The following ME1 variants were observed in gnomAD, a reference collection of about 807,000 sequenced individuals.
ME1 encodes NADP-dependent malic enzyme.
A neutral mutation model predicts 66.4 loss-of-function variants in ME1; 74 were observed. The observed-to-expected ratio is 1.11, with a 90% confidence interval of 0.92 to 1.35. ME1 has a LOEUF of 1.35. Among genes scored for constraint, ME1 ranks in the 40% most tolerant of loss-of-function variants. ME1 has a pLI of 0.00. For missense variants in ME1, 750 were observed against 694.1 expected (o/e 1.08, Z -0.90); for synonymous variants, 251 against 235.6 (o/e 1.07, Z -0.60).
chr6:83,394,462 G>A (rs1423461413), intron 3 of ME1, among the ~76,000 whole-genome samples: 3 of 152,184 alleles, frequency 2.0e-5, no homozygotes, highest in Admixed American at 6.5e-5. Context: ...AAATTTTAAT[G>A]TAGTTTAGAT....
intron 6 of ME1, among the ~76,000 whole-genome samples, chr6:83,286,360 C>T (rs1351700475): frequency 6.6e-6 from 1 of 152,092 alleles, no homozygotes; most frequent in African/African-American, 2.4e-5. Flanking sequence ...TGGAAGAGAT[C>T]AGGTGGGTAT....
At position 83,398,365 on chromosome 6, in the gene ME1, A is replaced by G. The variant is rs754814713; in HGVS notation, c.362+2T>C. ...TTGCATATAAAATAAAAGTTGACATACCTTGGCTTCCGAAACACCAAACTA... is the reference window on the plus strand; with the variant it reads ...TTGCATATAAAATAAAAGTTGACATGCCTTGGCTTCCGAAACACCAAACTA... On this transcript the variant is annotated splice_donor_variant, in intron 3 of 13. Transcript: ENST00000369705. LOFTEE classifies it high-confidence loss of function. The G allele has an allele frequency of 1.3e-6, 2 of 1,570,444 alleles. No homozygotes were observed. The highest frequency in any genetic ancestry group is 2.5e-5 in the South Asian group (2 of 80,820).
chr6:83,345,819 C>A (rs1050960683), intron 5 of ME1, among the ~76,000 whole-genome samples: 2 of 152,034 alleles, frequency 1.3e-5, no homozygotes, highest in Non-Finnish European at 2.9e-5. Flanking sequence ...AAGAATATTT[C>A]AGACTGATTA....
rs752577147 is a variant in ME1, at chr6:83,398,531, C to A, written c.213-15G>T. ...AGAGAAGATACCTGTAAAAATTGGA[C>A]ATAATTAGATCTACATCCCATAAAG... On this transcript the variant is annotated splice_polypyrimidine_tract_variant and intron_variant, in intron 2 of 13. Coordinates refer to ENST00000369705, the MANE Select transcript of ME1 (RefSeq NM_002395.6). 7.0e-6 allele frequency: 10 copies of A among 1,435,288 alleles called. No homozygotes were observed. In the East Asian group the frequency reaches 2.4e-4, roughly 35 times the overall value. The allele number at this position is 1,435,288 out of a possible 1,614,324, so 88.9% of individuals were successfully genotyped here. A position where few individuals can be genotyped will look rare whatever the true frequency, so the allele number is the denominator to read the frequency against.
intron 6 of ME1, among the ~76,000 whole-genome samples, chr6:83,298,401 G>C (rs192447862): frequency 6.6e-6 from 1 of 152,032 alleles, no homozygotes; most frequent in East Asian, 1.9e-4. Context: ...CCCACTTTTT[G>C]ATGGGGCTGT....
intron 6 of ME1, among the ~76,000 whole-genome samples, chr6:83,272,091 A>G (rs1206697388): frequency 1.3e-5 from 2 of 152,172 alleles, no homozygotes; most frequent in Non-Finnish European, 2.9e-5. Context: ...AGGTGACTAT[A>G]GTCACCCTGT....
At chr6:83,239,342 A>G (rs532466286) in intron 8 of ME1, among the ~76,000 whole-genome samples, 197 bp downstream of exon 8, 1 of 152,182 alleles carries the variant, frequency 6.6e-6, no homozygotes, top group African/African-American at 2.4e-5. Flanking sequence ...ACTGTGAAAA[A>G]TATCTCATTA....
At chr6:83,363,378 T>C (rs980315822) in intron 3 of ME1, among the ~76,000 whole-genome samples, 8 of 152,138 alleles carry the variant, frequency 5.3e-5, no homozygotes, top group African/African-American at 1.7e-4. Context: ...ACCTGGACGA[T>C]CAAGATGAAA....
intron 6 of ME1, among the ~76,000 whole-genome samples, chr6:83,312,089 C>T (rs1292932511): frequency 6.6e-6 from 1 of 152,142 alleles, no homozygotes; most frequent in Non-Finnish European, 1.5e-5. Context: ...CCTTATAACA[C>T]CATGACAAGA....
intron 6 of ME1, among the ~76,000 whole-genome samples, chr6:83,293,135 C>A (rs1767534643): frequency 6.6e-6 from 1 of 152,112 alleles, no homozygotes; most frequent in African/African-American, 2.4e-5. Flanking sequence ...TTCAGCTTGC[C>A]CTCTGTGGGC....
intron 11 of ME1, among the ~76,000 whole-genome samples, chr6:83,226,917 C>T (rs1230319664): frequency 6.6e-6 from 1 of 152,110 alleles, no homozygotes; most frequent in Non-Finnish European, 1.5e-5. Context: ...AAATGTTCCA[C>T]CCATAGTACC....
intron 9 of ME1, among the ~76,000 whole-genome samples, chr6:83,231,860 C>G (rs985151597): frequency 2.0e-5 from 3 of 151,952 alleles, no homozygotes; most frequent in African/African-American, 7.3e-5. Context: ...TTTCAAGAGT[C>G]TCTAATTACC....
intron 9 of ME1, among the ~76,000 whole-genome samples, chr6:83,235,930 G>A (rs941578454): frequency 6.6e-6 from 1 of 151,822 alleles, no homozygotes; most frequent in Non-Finnish European, 1.5e-5. Context: ...AGCTTTAAAG[G>A]AACAGATTAC....
intron 3 of ME1, among the ~76,000 whole-genome samples, chr6:83,389,509 G>A (rs1769578185): frequency 6.6e-6 from 1 of 151,976 alleles, no homozygotes; most frequent in African/African-American, 2.4e-5. Flanking sequence ...TAGAACATTA[G>A]AAATATCAAA....
chr6:83,415,693 C>T (rs183879960), intron 1 of ME1, among the ~76,000 whole-genome samples: 3 of 152,308 alleles, frequency 2.0e-5, no homozygotes, highest in African/African-American at 4.8e-5. Flanking sequence ...AAGCTTTCCA[C>T]ATATACCTTA....
intron 3 of ME1, among the ~76,000 whole-genome samples, chr6:83,389,800 C>T (rs901275207): frequency 6.6e-6 from 1 of 152,072 alleles, no homozygotes; most frequent in African/African-American, 2.4e-5. Context: ...AAAATTGTCT[C>T]TAGCTTCCAA....
At chr6:83,413,790 A>C (rs1361695377) in intron 1 of ME1, among the ~76,000 whole-genome samples, 1 of 152,204 alleles carries the variant, frequency 6.6e-6, no homozygotes, top group African/African-American at 2.4e-5. Flanking sequence ...TTATTTTTAA[A>C]TTCTAATTGA....
chr6:83,413,372 A>C (rs1196451745), intron 1 of ME1, among the ~76,000 whole-genome samples: 1 of 152,154 alleles, frequency 6.6e-6, no homozygotes, highest in Non-Finnish European at 1.5e-5. Context: ...ATCTAATATG[A>C]TTGTCTTTGA....
At chr6:83,274,970 G>A (rs996636729) in intron 6 of ME1, among the ~76,000 whole-genome samples, 2 of 152,146 alleles carry the variant, frequency 1.3e-5, no homozygotes, top group African/African-American at 2.4e-5. Flanking sequence ...ATGAAGAAAT[G>A]AAAATTGACA....
Sources: allele counts gnomAD v4.1 joint callset (sites outside exome capture counted in the v4.1 genomes callset), GRCh38; gene constraint gnomAD v4.1.1; transcripts MANE v1.5; gene names NCBI Gene and HGNC (gene_info 2026-07-23, HGNC 2026-07-21).